Variants in DYNC1I1 observed in about 807,000 individuals in gnomAD.
DYNC1I1 encodes cytoplasmic dynein 1 intermediate chain 1.
Under a neutral mutation model 86.6 loss-of-function variants are expected in DYNC1I1, and 43 were observed. That is an observed-to-expected ratio of 0.50 (90% CI 0.39 to 0.64). The LOEUF is 0.64. DYNC1I1 is among the 30% of genes least tolerant of loss of function. DYNC1I1 has a pLI of 0.00. For synonymous variants in DYNC1I1, 262 were observed against 283.7 expected, an observed-to-expected ratio of 0.92 and a Z score of 0.77; for missense variants, 604 against 788.8, an observed-to-expected ratio of 0.77 and a Z score of 2.81.
chr7:96,107,680 T>A (rs1472088009), intron 16 of DYNC1I1, among the ~76,000 whole-genome samples: 1 of 151,794 alleles, frequency 6.6e-6, no homozygotes, highest in East Asian at 1.9e-4. Context: ...TACAGGTGCG[T>A]GCCACCACAC....
chr7:96,013,364 C>T lies in DYNC1I1; in HGVS notation c.970-14811C>T, dbSNP rs145095973. On this transcript the variant is annotated intron_variant, in intron 10 of 16. Transcript: ENST00000447467. ...CAAAAAGAAACGTAGCACTGTCTACCCCTCGATTTTAGTCCTTCCAACCTC... is the reference window on the plus strand; with the variant it reads ...CAAAAAGAAACGTAGCACTGTCTACTCCTCGATTTTAGTCCTTCCAACCTC... Among the ~76,000 whole-genome samples, 390 of 152,188 alleles carry T rather than the reference C, an allele frequency of 2.6e-3. 2 individuals are homozygous for T. The highest frequency in any genetic ancestry group is 8.6e-3 in the African/African-American group (356 of 41,528).
chr7:96,060,212 C>T (rs1368450372), intron 14 of DYNC1I1, among the ~76,000 whole-genome samples: 1 of 152,112 alleles, frequency 6.6e-6, no homozygotes, highest in Non-Finnish European at 1.5e-5. Flanking sequence ...GTGATGGCTC[C>T]AAGAACCACC....
At chr7:95,805,435 G>A (rs886511578) in intron 2 of DYNC1I1, among the ~76,000 whole-genome samples, 39 of 152,164 alleles carry the variant, frequency 2.6e-4, no homozygotes, top group African/African-American at 9.2e-4. Context: ...AAGGTAAATA[G>A]GATAGTACAG....
chr7:96,062,715 G>A (rs2116177082), intron 14 of DYNC1I1, among the ~76,000 whole-genome samples: 1 of 152,288 alleles, frequency 6.6e-6, no homozygotes, highest in South Asian at 2.1e-4. Context: ...CTTGAAGGCA[G>A]CTGATTAAGG....
intron 16 of DYNC1I1, among the ~76,000 whole-genome samples, chr7:96,094,939 A>G (rs1790958019): frequency 6.6e-6 from 1 of 152,218 alleles, no homozygotes; most frequent in Admixed American, 6.5e-5. Context: ...ATCCCTAAAA[A>G]ACAAACTTCA....
chr7:95,917,583 T>C (rs1482270019), intron 6 of DYNC1I1, among the ~76,000 whole-genome samples: 2 of 152,178 alleles, frequency 1.3e-5, no homozygotes, highest in Non-Finnish European at 2.9e-5. Context: ...CCTTCAGTCA[T>C]TCAAAAACGG....
intron 5 of DYNC1I1, among the ~76,000 whole-genome samples, chr7:95,865,712 A>G (rs893212118): frequency 3.9e-5 from 6 of 152,170 alleles, no homozygotes; most frequent in African/African-American, 1.4e-4. Context: ...TTGTGCTACA[A>G]CTGCCTACGG....
intron 5 of DYNC1I1, among the ~76,000 whole-genome samples, chr7:95,855,536 G>A (rs1308348161): frequency 6.6e-6 from 1 of 152,110 alleles, no homozygotes; most frequent in Non-Finnish European, 1.5e-5. Context: ...CTTAATGATG[G>A]AGATATGTTC....
chr7:95,978,162 C>G (rs1365273556), intron 7 of DYNC1I1, among the ~76,000 whole-genome samples: 2 of 152,168 alleles, frequency 1.3e-5, no homozygotes, highest in Non-Finnish European at 2.9e-5. Context: ...ACAGATATTA[C>G]TCACTCCTTA....
At chr7:95,946,638 G>A (rs1792409732) in intron 6 of DYNC1I1, among the ~76,000 whole-genome samples, 1 of 152,140 alleles carries the variant, frequency 6.6e-6, no homozygotes, top group South Asian at 2.1e-4. Context: ...GGGTGGAACA[G>A]AGTCATAGTC....
chr7:95,955,113 T>C (rs1792674807), intron 6 of DYNC1I1, among the ~76,000 whole-genome samples: 1 of 152,142 alleles, frequency 6.6e-6, no homozygotes, highest in African/African-American at 2.4e-5. Context: ...TATAGGGATT[T>C]AACATTGCTG....
chr7:95,780,905 C>T (rs926177016), intron 1 of DYNC1I1, among the ~76,000 whole-genome samples: 9 of 152,110 alleles, frequency 5.9e-5, no homozygotes, highest in African/African-American at 1.9e-4. Flanking sequence ...CCTTTTAAAA[C>T]GACCGTGCGT....
At chr7:95,839,979 A>G (rs1612774) in intron 5 of DYNC1I1, among the ~76,000 whole-genome samples, 80,466 of 151,822 alleles carry the variant, frequency 0.53, 22,126 homozygotes, top group African/African-American at 0.69. Flanking sequence ...GCAAGTAGCC[A>G]TTTTCTTGTT....
chr7:95,956,849 G>A (rs1193275704), intron 6 of DYNC1I1, among the ~76,000 whole-genome samples: 4 of 152,200 alleles, frequency 2.6e-5, no homozygotes, highest in Non-Finnish European at 4.4e-5. Flanking sequence ...ACACACGTGT[G>A]CATGTGTCTT....
At chr7:95,867,101 A>C (rs984218815) in intron 5 of DYNC1I1, among the ~76,000 whole-genome samples, 4 of 152,218 alleles carry the variant, frequency 2.6e-5, no homozygotes, top group Admixed American at 6.5e-5. Flanking sequence ...CATCCTATCC[A>C]TGTGCCCATA....
At chr7:96,102,503 A>G (rs1304476828), downstream of DYNC1I1, among the ~76,000 whole-genome samples, 1 of 152,190 alleles carries the variant, frequency 6.6e-6, no homozygotes, top group Non-Finnish European at 1.5e-5. Flanking sequence ...TGAAGCTTAG[A>G]GCCCCCACCA....
At chr7:95,883,438 A>G (rs1390870377) in intron 6 of DYNC1I1, among the ~76,000 whole-genome samples, 1 of 152,218 alleles carries the variant, frequency 6.6e-6, no homozygotes, top group Non-Finnish European at 1.5e-5. Flanking sequence ...TCTTGACTGA[A>G]TAGAGTTTCT....
intron 6 of DYNC1I1, among the ~76,000 whole-genome samples, chr7:95,938,399 T>C (rs903048546): frequency 2.0e-5 from 3 of 152,190 alleles, no homozygotes; most frequent in African/African-American, 7.2e-5. Flanking sequence ...AAAGAATTTC[T>C]TTTCATGTTG....
intron 10 of DYNC1I1, among the ~76,000 whole-genome samples, chr7:96,024,421 C>T (rs185046709): frequency 5.9e-5 from 9 of 151,978 alleles, no homozygotes; most frequent in South Asian, 2.1e-4. Context: ...AAAGGCCATA[C>T]GTTATTTTTC....
Sources: gnomAD v4.1 joint callset for allele counts (sites outside exome capture counted in the v4.1 genomes callset) on GRCh38, gnomAD v4.1.1 for gene constraint, MANE v1.5 for transcripts, NCBI Gene and HGNC (gene_info 2026-07-23, HGNC 2026-07-21) for gene names.